The following LIPA variants were observed in gnomAD, a reference collection of about 807,000 sequenced individuals.
The protein encoded by LIPA is lipase A, lysosomal acid type.
Under a neutral mutation model 40.6 loss-of-function variants are expected in LIPA, and 26 were observed. That is an observed-to-expected ratio of 0.64 (90% CI 0.47 to 0.89). LIPA has a LOEUF of 0.89. Among genes scored for constraint, LIPA ranks in the 40% least tolerant of loss-of-function variants. The pLI, the probability that LIPA is intolerant of heterozygous loss-of-function variation, is 0.00. For synonymous variants in LIPA, 188 were observed against 168.4 expected (o/e 1.12, Z -0.90); for missense variants, 455 against 479.6 (o/e 0.95, Z 0.48).
At chr10:89,376,631 G>A (rs2133600059) in intron 2 of LIPA, among the ~76,000 whole-genome samples, 1 of 152,316 alleles carries the variant, frequency 6.6e-6, no homozygotes, top group African/African-American at 2.4e-5. Flanking sequence ...AATCAGGTCT[G>A]AGTGCAGACA....
chr10:89,291,296 C>A (rs983021766), intron 1 of LIPA, among the ~76,000 whole-genome samples: 17 of 151,994 alleles, frequency 1.1e-4, no homozygotes, highest in African/African-American at 3.6e-4. Flanking sequence ...TAAATGTATA[C>A]ATTCACATCA....
At chr10:89,262,938 T>C (rs1843218541) in intron 1 of LIPA, among the ~76,000 whole-genome samples, 1 of 152,232 alleles carries the variant, frequency 6.6e-6, no homozygotes, top group Non-Finnish European at 1.5e-5. Flanking sequence ...CCCAATTACA[T>C]GTGCAGTTGT....
chr10:89,242,774 A>G (rs968340145), intron 3 of LIPA, among the ~76,000 whole-genome samples: 2 of 152,244 alleles, frequency 1.3e-5, no homozygotes, highest in African/African-American at 4.8e-5. Flanking sequence ...TTCTTAAACT[A>G]TATAAGCAAA....
intron 2 of LIPA, among the ~76,000 whole-genome samples, chr10:89,361,285 T>G (rs766153402): frequency 2.6e-5 from 4 of 152,158 alleles, no homozygotes; most frequent in Non-Finnish European, 1.5e-5. Flanking sequence ...AATAATTCTT[T>G]GTAAGAAAAA....
At chr10:89,346,006 G>C (rs1324417836), upstream of LIPA, among the ~76,000 whole-genome samples, 1 of 152,182 alleles carries the variant, frequency 6.6e-6, no homozygotes, top group East Asian at 1.9e-4. Context: ...TCTTTTAAGT[G>C]CCTTTGAGGC....
chr10:89,359,742 T>G (rs1178528177), intron 2 of LIPA, among the ~76,000 whole-genome samples: 1 of 152,094 alleles, frequency 6.6e-6, no homozygotes, highest in East Asian at 1.9e-4. Context: ...ACCTAATGGT[T>G]GATGGGCGTC....
intron 1 of LIPA, among the ~76,000 whole-genome samples, chr10:89,324,237 A>G (rs1360628656): frequency 6.6e-6 from 1 of 152,228 alleles, no homozygotes; most frequent in South Asian, 2.1e-4. Context: ...ACCTACAGCC[A>G]TCTGATCTTC....
At chr10:89,352,153 A>G (rs1036141639) in intron 2 of LIPA, among the ~76,000 whole-genome samples, 1 of 152,178 alleles carries the variant, frequency 6.6e-6, no homozygotes, top group Admixed American at 6.5e-5. Context: ...CCTTTAGCCA[A>G]TCATCTGAAG....
chr10:89,339,453 G>C, intron 1 of LIPA: 1 of 1,614,106 alleles, frequency 6.2e-7, no homozygotes, highest in Non-Finnish European at 8.5e-7. Context: ...TGTTTCAACG[G>C]GTGTTGGAAT....
At chr10:89,325,598 G>T (rs576894331) in intron 1 of LIPA, among the ~76,000 whole-genome samples, 1 of 152,274 alleles carries the variant, frequency 6.6e-6, no homozygotes, top group East Asian at 1.9e-4. Context: ...ATTATCCTAA[G>T]TAAACTAATG....
chr10:89,392,551 G>C (rs773197950), intron 2 of LIPA: 40 of 502,800 alleles, frequency 8.0e-5, no homozygotes, highest in Non-Finnish European at 1.1e-4. Context: ...AACTTGCAAG[G>C]ACACACCCAC....
intron 1 of LIPA, among the ~76,000 whole-genome samples, chr10:89,257,956 A>G (rs1468866035): frequency 3.9e-5 from 6 of 152,244 alleles, no homozygotes; most frequent in African/African-American, 1.4e-4. Context: ...CAAGGCTCAC[A>G]CAAAACTTGG....
rs1020448975 is a variant in LIPA at position 89,350,329 on chromosome 10, C to T, written c.61+62462G>A. Reference sequence around the variant, plus strand: ...AGTGAAGTTACCTTTTTTTTTAAGACGGAGTCTTGCTCTGTGGCCAGGCTG... The same window carrying T: ...AGTGAAGTTACCTTTTTTTTTAAGATGGAGTCTTGCTCTGTGGCCAGGCTG... On this transcript the variant is annotated intron_variant, in intron 2 of 8. Coordinates refer to the LIPA transcript ENST00000371837. Among the ~76,000 whole-genome samples, 9 of 110,552 alleles carry T rather than the reference C, an allele frequency of 8.1e-5. 1 individual carries two copies. In the East Asian group the frequency reaches 2.0e-3, roughly 24 times the overall value. The allele number at this position is 110,552 out of a possible 152,430, so 72.5% of individuals were successfully genotyped here.
In LIPA at chr10:89,213,814, T is replaced by C. The variant is rs1347981797; in HGVS notation, c.*1014A>G. 1 of 152,172 alleles carries C rather than the reference T, an allele frequency of 6.6e-6. No individual in the cohort carries two copies. The highest frequency in any genetic ancestry group is 6.5e-5 in the Admixed American group (1 of 15,276). The allele number at this position is 152,172 out of a possible 1,614,324, so 9.4% of individuals were successfully genotyped here. On this transcript the variant is annotated 3_prime_UTR_variant, in exon 10 of 10. Coordinates refer to ENST00000336233, the MANE Select transcript of LIPA (RefSeq NM_000235.4). ...CCAACATAGGGACGTGAAGCAGGTG[T>C]ATTAAAAATAAGGATGCATATAAAA...
intron 7 of LIPA, among the ~76,000 whole-genome samples, chr10:89,223,269 A>G (rs1842723860): frequency 7.1e-6 from 1 of 140,786 alleles, no homozygotes; most frequent in Non-Finnish European, 1.5e-5. Flanking sequence ...CCATAACCAC[A>G]GTACTCAATA....
intron 1 of LIPA, among the ~76,000 whole-genome samples, chr10:89,248,019 C>T (rs902385108): frequency 1.3e-5 from 2 of 151,826 alleles, no homozygotes; most frequent in Non-Finnish European, 1.5e-5. Flanking sequence ...AGGCACGCAC[C>T]ACCACGCCTG....
In LIPA at chr10:89,308,497, A is replaced by G. The variant is rs1224539289; in HGVS notation, c.-2+34114T>C. On this transcript the variant is annotated intron_variant, in intron 1 of 5. Coordinates refer to the LIPA transcript ENST00000282673. The stretch of plus-strand genomic sequence containing the variant: ...TTTCCCCCCTTTAGAAATGTTGGAT[A>G]TTAAGTGATATAAACACTTCTTTTA... The G allele has an allele frequency of 2.0e-5, 3 of 152,324 alleles. No individual in the cohort carries two copies. In the East Asian group the frequency reaches 5.8e-4, roughly 29 times the overall value. The allele number at this position is 152,324 out of a possible 1,614,324, so 9.4% of individuals were successfully genotyped here.
chr10:89,325,609 C>G (rs1193565411), intron 1 of LIPA, among the ~76,000 whole-genome samples: 1 of 152,066 alleles, frequency 6.6e-6, no homozygotes, highest in African/African-American at 2.4e-5. Flanking sequence ...TAAACTAATG[C>G]AGGAAGAGAA....
chr10:89,409,198 C>A (rs961657524), intron 2 of LIPA, among the ~76,000 whole-genome samples: 1 of 152,120 alleles, frequency 6.6e-6, no homozygotes, highest in African/African-American at 2.4e-5. Flanking sequence ...AAGCCCTGGG[C>A]CCTGAACAAA....
Sources: allele counts gnomAD v4.1 joint callset (sites outside exome capture counted in the v4.1 genomes callset), GRCh38; gene constraint gnomAD v4.1.1; transcripts MANE v1.5; gene names NCBI Gene and HGNC (gene_info 2026-07-23, HGNC 2026-07-21).